SART1: variants seen among roughly 807,000 people sequenced by gnomAD.
SART1 encodes U4/U6.U5 tri-snRNP-associated protein 1.
Under a neutral mutation model 105.0 loss-of-function variants are expected in SART1, and 28 were observed. The observed-to-expected ratio is 0.27, with a 90% CI of 0.20 to 0.37. The LOEUF is 0.37. Ranked by LOEUF, SART1 falls within the 10% of genes least tolerant of loss-of-function variation. The pLI, the probability that SART1 is intolerant of heterozygous loss-of-function variation, is 1.00. For synonymous variants in SART1, 472 were observed against 462.9 expected (o/e 1.02, Z -0.25); for missense variants, 894 against 1,106.5 (o/e 0.81, Z 2.72).
intron 12 of SART1, among the ~76,000 whole-genome samples, chr11:65,974,198 TAAAAAA>T (rs1168176073): frequency 2.9e-5 from 2 of 69,348 alleles, no homozygotes; most frequent in East Asian, 3.9e-4. Flanking sequence ...CCCTCTCTAC[TAAAAAA>T]AAAAAAAAAA....
Position 65,979,103 on chromosome 11 carries a change from G to A in SART1, c.*73G>A. 3 of 1,593,498 alleles carry A rather than the reference G, an allele frequency of 1.9e-6. No homozygotes were observed. Among genetic ancestry groups the A allele is most frequent in the East Asian group, 2.3e-5 (1 of 44,374 alleles). On this transcript the variant is annotated 3_prime_UTR_variant, in exon 20 of 20. Transcript: ENST00000312397. Reference sequence around the variant, plus strand: ...GCTCCCTCCTTATTTTTTCCTCCCTGGTCGTGGTACAGATTCCAGGGTTGG... The same window carrying A: ...GCTCCCTCCTTATTTTTTCCTCCCTAGTCGTGGTACAGATTCCAGGGTTGG...
At position 65,978,957 on chromosome 11, in the gene SART1, G is replaced by T; in HGVS notation, c.2384+43G>T. ...GGTGGGGTAGGGTGTGGTGGGGAGGGGTGGCGTGGCCTGTGCCCGCCTCTG... is the reference window on the plus strand; with the variant it reads ...GGTGGGGTAGGGTGTGGTGGGGAGGTGTGGCGTGGCCTGTGCCCGCCTCTG... On this transcript the variant is annotated intron_variant, in intron 19 of 19. Coordinates refer to ENST00000312397, the MANE Select transcript of SART1 (RefSeq NM_005146.5). This position sits in a 1 kb window ranked among gnomAD's most constrained non-coding sequence, Gnocchi z 6.8. 6.2e-7 allele frequency: 1 copy of T among 1,613,596 alleles called. No homozygotes were observed. Among genetic ancestry groups the T allele is most frequent in the Non-Finnish European group, 8.5e-7 (1 of 1,179,880 alleles).
At chr11:65,973,624 G>T (rs571109150) in intron 12 of SART1, among the ~76,000 whole-genome samples, 2 of 152,306 alleles carry the variant, frequency 1.3e-5, no homozygotes, top group East Asian at 3.9e-4. Context: ...CGTGCCCGGG[G>T]CCCACCCCAC....
Position 65,978,086 on chromosome 11 carries a change from T to C in SART1, c.2172+187T>C. On this transcript the variant is annotated intron_variant, in intron 17 of 19. Transcript: ENST00000312397. This position sits in a 1 kb window ranked among gnomAD's most constrained non-coding sequence, Gnocchi z 6.8. Reference sequence around the variant, plus strand: ...CTGAGGAAGGCTGTGCCTCAGTTTGTCTCTAGTGGGCACAGCAGTCTCTTT... The same window carrying C: ...CTGAGGAAGGCTGTGCCTCAGTTTGCCTCTAGTGGGCACAGCAGTCTCTTT... The C allele has an allele frequency of 1.6e-6, 1 of 639,386 alleles. No homozygotes were observed. The highest frequency in any genetic ancestry group is 2.7e-6 in the Non-Finnish European group (1 of 372,838). 39.6% of individuals were successfully genotyped at this position (639,386 alleles called of 1,614,324 possible).
chr11:65,969,090 C>T (rs867829274), intron 12 of SART1, among the ~76,000 whole-genome samples: 2 of 152,036 alleles, frequency 1.3e-5, no homozygotes, highest in South Asian at 2.1e-4. Context: ...ATTCAGGACC[C>T]GGAGGACAGG....
chr11:65,966,937 CTG>C (rs760308163), intron 9 of SART1, among the ~76,000 whole-genome samples: 56 of 152,256 alleles, frequency 3.7e-4, no homozygotes, highest in Non-Finnish European at 7.1e-4. Context: ...CACAGGGTGA[CTG>C]TGTGAACGTG....
In SART1 at chr11:65,976,573, G is replaced by A. The variant is rs372244872; in HGVS notation, c.1746+5G>A. On this transcript the variant is annotated splice_donor_5th_base_variant and intron_variant, in intron 13 of 19. Coordinates refer to ENST00000312397, the MANE Select transcript of SART1 (RefSeq NM_005146.5). This position sits in a 1 kb window ranked among gnomAD's most constrained non-coding sequence, Gnocchi z 5.1. Reference sequence around the variant, plus strand: ...GAGGAGCAGGAGGAGCTCATGGTGCGTCTGGGGCGGCCCCGCCCTCTGCTT... The same window carrying A: ...GAGGAGCAGGAGGAGCTCATGGTGCATCTGGGGCGGCCCCGCCCTCTGCTT... 28 of 1,613,018 alleles carry A rather than the reference G, an allele frequency of 1.7e-5. No homozygotes were observed. Among genetic ancestry groups the A allele is most frequent in the African/African-American group, 6.7e-5 (5 of 74,940 alleles).
In SART1 at chr11:65,976,559, G is replaced by A. The variant is rs565714376; in HGVS notation, c.1737G>A (p.Glu579=). 3.1e-6 allele frequency: 5 copies of A among 1,612,376 alleles called. No homozygotes were observed. Among genetic ancestry groups the A allele is most frequent in the Admixed American group, 1.7e-5 (1 of 59,756 alleles). Residue 579 remains glutamate (E), a synonymous_variant, in exon 13 of 20, where the codon GAG becomes GAA. Transcript: ENST00000312397. This position sits in a 1 kb window ranked among gnomAD's most constrained non-coding sequence, Gnocchi z 5.1. ...YGLAGNREEQ[E]ELMDFERDEE... The stretch of plus-strand genomic sequence containing the variant: ...TGGCTGGCAATCGCGAGGAGCAGGA[G>A]GAGCTCATGGTGCGTCTGGGGCGGC...
Position 65,965,325 on chromosome 11 carries a change from C to T in SART1, c.555-17C>T. 1 of 1,594,822 alleles carries T rather than the reference C, an allele frequency of 6.3e-7. No homozygotes were observed. The highest frequency in any genetic ancestry group is 8.5e-7 in the Non-Finnish European group (1 of 1,170,692). ...CAGGAGCTGGGCTCCTTGAGCATCA[C>T]TTTTTCCCCTCTTCAGGAAGATAAA... is the stretch of plus-strand genomic sequence containing the variant. On this transcript the variant is annotated splice_polypyrimidine_tract_variant and intron_variant, in intron 4 of 19. Transcript: ENST00000312397.
chr11:65,975,932 C>G (rs372104972), intron 12 of SART1, among the ~76,000 whole-genome samples: 2 of 152,100 alleles, frequency 1.3e-5, no homozygotes, highest in African/African-American at 4.8e-5. Flanking sequence ...ACGGAACCTG[C>G]TTTCTTGGTG....
intron 12 of SART1, among the ~76,000 whole-genome samples, chr11:65,970,090 A>G (rs894630495): frequency 6.6e-6 from 1 of 152,196 alleles, no homozygotes; most frequent in Non-Finnish European, 1.5e-5. Context: ...TGGAAAGCCT[A>G]TCACAGTGAA....
chr11:65,966,860 A>T (rs1032576687), intron 9 of SART1, among the ~76,000 whole-genome samples: 7 of 151,910 alleles, frequency 4.6e-5, no homozygotes, highest in African/African-American at 7.3e-5. Flanking sequence ...CCGCCTCCTG[A>T]GGTTGCTGTG....
rs1018627199 is a variant in SART1 at position 65,980,044 on chromosome 11, C to G, written c.*1014C>G. Among the ~76,000 whole-genome samples, 5 of 152,074 alleles carry G rather than the reference C, an allele frequency of 3.3e-5. No homozygotes were observed. Among genetic ancestry groups the G allele is most frequent in the East Asian group, 1.9e-4 (1 of 5,164 alleles). On this transcript the variant is annotated 3_prime_UTR_variant, in exon 20 of 20. Coordinates refer to ENST00000312397, the MANE Select transcript of SART1 (RefSeq NM_005146.5). Reference sequence around the variant, plus strand: ...GGGAGGATCACTTGAACCTGGGAGACACAGGCTGCAGTGGGCCCTGATTGA... The same window carrying G: ...GGGAGGATCACTTGAACCTGGGAGAGACAGGCTGCAGTGGGCCCTGATTGA...
chr11:65,967,300 CAAG>C lies in SART1; in HGVS notation c.1234_1236del (p.Lys412del). ...CCAAGCGGAGGGTGAAGAAAATCCG[CAAG>C]AAGGAGAAGGAGGTAGTAGTGCGGG... On this transcript the variant is annotated inframe_deletion, in exon 10 of 20. Coordinates refer to ENST00000312397, the MANE Select transcript of SART1 (RefSeq NM_005146.5). 6 of 1,614,070 alleles carry C rather than the reference CAAG, an allele frequency of 3.7e-6. No homozygotes were observed. Among genetic ancestry groups the C allele is most frequent in the African/African-American group, 1.3e-5 (1 of 75,020 alleles).
At chr11:65,968,797 G>C (rs1025433337) in intron 12 of SART1, among the ~76,000 whole-genome samples, 1 of 152,172 alleles carries the variant, frequency 6.6e-6, no homozygotes, top group Non-Finnish European at 1.5e-5. Context: ...TGGAGAGGTA[G>C]GGGGCCAACG....
In SART1 at chr11:65,979,180, C is replaced by A; in HGVS notation, c.*150C>A. On this transcript the variant is annotated 3_prime_UTR_variant, in exon 20 of 20. Transcript: ENST00000312397. Reference sequence around the variant, plus strand: ...CTGGCTCCTGCTAGGTGAGACCTGGCCATCAAATGACACAAACAACTAAAC... The same window carrying A: ...CTGGCTCCTGCTAGGTGAGACCTGGACATCAAATGACACAAACAACTAAAC... 2.0e-6 allele frequency: 2 copies of A among 991,712 alleles called. No homozygotes were observed. Among genetic ancestry groups the A allele is most frequent in the Non-Finnish European group, 3.1e-6 (2 of 655,678 alleles). 61.4% of individuals were successfully genotyped at this position (991,712 alleles called of 1,614,324 possible). A position where few individuals can be genotyped will look rare whatever the true frequency, so the allele number is the denominator to read the frequency against.
chr11:65,978,087 C>T lies in SART1; in HGVS notation c.2172+188C>T. On this transcript the variant is annotated intron_variant, in intron 17 of 19. Transcript: ENST00000312397. The surrounding 1 kb of genome is among the most constrained non-coding windows in gnomAD (Gnocchi z 6.8). Reference sequence around the variant, plus strand: ...TGAGGAAGGCTGTGCCTCAGTTTGTCTCTAGTGGGCACAGCAGTCTCTTTG... The same window carrying T: ...TGAGGAAGGCTGTGCCTCAGTTTGTTTCTAGTGGGCACAGCAGTCTCTTTG... The T allele has an allele frequency of 1.6e-6, 1 of 634,052 alleles. No homozygotes were observed. The highest frequency in any genetic ancestry group is 2.7e-6 in the Non-Finnish European group (1 of 368,076). The allele number at this position is 634,052 out of a possible 1,614,324, so 39.3% of individuals were successfully genotyped here.
chr11:65,963,908 G>C (rs963857810), intron 1 of SART1, 166 bp from the exon 2 acceptor site: 35 of 631,778 alleles, frequency 5.5e-5, no homozygotes, highest in Middle Eastern at 4.2e-4. Context: ...GACTCGGGCA[G>C]AGGAGCTGCT....
chr11:65,977,497 T>A, intron 15 of SART1, 66 bp from the exon 16 acceptor site: 1 of 1,400,786 alleles, frequency 7.1e-7, no homozygotes, highest in Admixed American at 1.7e-5. Flanking sequence ...CTGCTCTGCC[T>A]TCTCAGGCGG....
Sources: allele counts gnomAD v4.1 joint callset (sites outside exome capture counted in the v4.1 genomes callset), GRCh38; gene constraint gnomAD v4.1.1; non-coding constraint Gnocchi (gnomAD v3.1); transcripts MANE v1.5; gene names NCBI Gene and HGNC (gene_info 2026-07-23, HGNC 2026-07-21).